Variants in TCERG1 observed in about 807,000 individuals in gnomAD.
TCERG1 encodes the protein TATA box binding protein (TBP)-associated factor, RNA polymerase II, S, 150kD.
TCERG1 carries 37 observed loss-of-function variants against 144.7 expected under a neutral mutation model. That is an observed-to-expected ratio of 0.26 (90% CI 0.20 to 0.34). The LOEUF (loss-of-function observed/expected upper bound fraction) is 0.34, where lower values mean the gene tolerates loss of function less well. Ranked by LOEUF, TCERG1 falls within the 10% of genes least tolerant of loss-of-function variation. The pLI is 1.00. For missense variants in TCERG1, 1,027 were observed against 1,380.7 expected (o/e 0.74, Z 4.06); for synonymous variants, 492 against 458.2 (o/e 1.07, Z -0.94).
chr5:146,459,870 G>A (rs1257463658), intron 4 of TCERG1, among the ~76,000 whole-genome samples: 2 of 152,160 alleles, frequency 1.3e-5, no homozygotes, highest in East Asian at 3.8e-4. Context: ...CATGAATAAA[G>A]GTCAGGAAAA....
intron 16 of TCERG1, among the ~76,000 whole-genome samples, chr5:146,497,721 C>A (rs1767064045): frequency 6.6e-6 from 1 of 152,186 alleles, no homozygotes; most frequent in Non-Finnish European, 1.5e-5. Flanking sequence ...TAATGTGAAT[C>A]TCTGAAAGTG....
At chr5:146,495,653 T>TA (rs1766824891) in intron 16 of TCERG1, among the ~76,000 whole-genome samples, 1 of 152,250 alleles carries the variant, frequency 6.6e-6, no homozygotes, top group African/African-American at 2.4e-5. Context: ...CTGTGAGTGA[T>TA]ACTCTTAACC....
At chr5:146,503,750 G>C in intron 18 of TCERG1, 74 bp from the exon 19 acceptor site, 1 of 1,490,156 alleles carries the variant, frequency 6.7e-7, no homozygotes. Context: ...TTTTTATTTG[G>C]CAAGCTAGTT....
At chr5:146,451,829 C>A (rs925829395) in intron 1 of TCERG1, among the ~76,000 whole-genome samples, 1 of 150,506 alleles carries the variant, frequency 6.6e-6, no homozygotes, top group Non-Finnish European at 1.5e-5. Flanking sequence ...GCTCTCTTGC[C>A]CAGGCTGGAA....
intron 12 of TCERG1, 139 bp downstream of exon 12, chr5:146,480,233 G>C (rs1765227633): frequency 3.9e-6 from 2 of 519,334 alleles, no homozygotes; most frequent in East Asian, 6.5e-5. Flanking sequence ...ATAATAAATA[G>C]CTTTGTTTTT....
At chr5:146,455,851 G>T (rs1762782942) in intron 2 of TCERG1, among the ~76,000 whole-genome samples, 1 of 152,098 alleles carries the variant, frequency 6.6e-6, no homozygotes, top group Non-Finnish European at 1.5e-5. Context: ...AAACATTTAT[G>T]GTATTTTAAC....
At chr5:146,452,117 G>A (rs1026949002) in intron 1 of TCERG1, among the ~76,000 whole-genome samples, 1 of 152,032 alleles carries the variant, frequency 6.6e-6, no homozygotes, top group Non-Finnish European at 1.5e-5. Flanking sequence ...GATTTTTTTG[G>A]TGTGTGTCAG....
chr5:146,448,634 A>C (rs1047858091), intron 1 of TCERG1, among the ~76,000 whole-genome samples: 2 of 152,220 alleles, frequency 1.3e-5, no homozygotes, highest in African/African-American at 4.8e-5. Flanking sequence ...TTGTTATTCA[A>C]GGTTTTAGAA....
At chr5:146,485,972 G>A (rs978178856) in intron 15 of TCERG1, among the ~76,000 whole-genome samples, 4 of 152,178 alleles carry the variant, frequency 2.6e-5, no homozygotes, top group South Asian at 2.1e-4. Flanking sequence ...TGGGATTACA[G>A]GCGTGAGCCA....
At position 146,447,338 on chromosome 5, in the gene TCERG1, CG is replaced by C; in HGVS notation, c.-10del. 1 of 1,611,274 alleles carries C rather than the reference CG, an allele frequency of 6.2e-7. No individual in the cohort carries two copies. The highest frequency in any genetic ancestry group is 1.1e-5 in the South Asian group (1 of 90,726). ...CGTCGGGTCGGCGGGTGGATGAACGCGGCCCTCTGTAATGGCGGAGCGTGGC... is the reference window on the plus strand; with the variant it reads ...CGTCGGGTCGGCGGGTGGATGAACGCGCCCTCTGTAATGGCGGAGCGTGGC... On this transcript the variant is annotated 5_prime_UTR_variant, in exon 1 of 23. Transcript: ENST00000679501.
chr5:146,457,180 C>T lies in TCERG1; in HGVS notation c.286-3C>T, dbSNP rs1762902968. On this transcript the variant is annotated splice_polypyrimidine_tract_variant and splice_region_variant and intron_variant, in intron 2 of 22. Transcript: ENST00000679501. ...GACCATTACTGTTTTTGTGAATTAA[C>T]AGAGACCACCTTTCATGCCTCCTCC... 2.5e-6 allele frequency: 4 copies of T among 1,611,126 alleles called. No individual in the cohort carries two copies. The South Asian group carries it at 3.3e-5, about 13-fold the overall frequency.
intron 19 of TCERG1, among the ~76,000 whole-genome samples, chr5:146,506,427 TTTTGATATAGGTAGA>T (rs1191200492): frequency 6.6e-6 from 1 of 152,210 alleles, no homozygotes; most frequent in Non-Finnish European, 1.5e-5. Context: ...ACAGTTGCTG[TTTTGATATAGGTAGA>T]TAATATGGAA....
intron 9 of TCERG1, among the ~76,000 whole-genome samples, chr5:146,478,118 G>GCTATGT (rs1765022233): frequency 6.6e-6 from 1 of 152,144 alleles, no homozygotes; most frequent in Non-Finnish European, 1.5e-5. Context: ...TAGCTAGGAT[G>GCTATGT]CTATGTCTGT....
chr5:146,465,782 A>G (rs1763725863), intron 5 of TCERG1, among the ~76,000 whole-genome samples: 1 of 152,222 alleles, frequency 6.6e-6, no homozygotes, highest in Admixed American at 6.5e-5. Context: ...CTGTAATCCC[A>G]GCACTTTGGG....
intron 22 of TCERG1, among the ~76,000 whole-genome samples, chr5:146,509,532 C>T (rs796339475): frequency 2.7e-5 from 4 of 150,766 alleles, no homozygotes; most frequent in African/African-American, 9.7e-5. Flanking sequence ...TTAGGAATAC[C>T]CTCAACTATA....
At chr5:146,468,795 C>T (rs1459393269) in intron 6 of TCERG1, among the ~76,000 whole-genome samples, 1 of 151,808 alleles carries the variant, frequency 6.6e-6, no homozygotes, top group East Asian at 1.9e-4. Flanking sequence ...TGTGTGAATA[C>T]ATGTGTATAG....
intron 15 of TCERG1, among the ~76,000 whole-genome samples, chr5:146,491,322 C>T (rs376794825): frequency 4.9e-4 from 74 of 152,046 alleles, no homozygotes; most frequent in African/African-American, 1.7e-3. Context: ...GGCCCTCGTG[C>T]TTTGGGGCTG....
At chr5:146,490,975 C>T (rs1325045407) in intron 15 of TCERG1, among the ~76,000 whole-genome samples, 3 of 151,866 alleles carry the variant, frequency 2.0e-5, no homozygotes, top group African/African-American at 7.3e-5. Context: ...ATTATCTTAG[C>T]TCTGTGAGGT....
chr5:146,447,605 C>T (rs1761974848), intron 1 of TCERG1, among the ~76,000 whole-genome samples, 197 bp downstream of exon 1: 2 of 152,216 alleles, frequency 1.3e-5, no homozygotes, highest in South Asian at 4.1e-4. Flanking sequence ...GCCAGGGCCT[C>T]CTGCGCGTTC....
Sources: allele counts gnomAD v4.1 joint callset (sites outside exome capture counted in the v4.1 genomes callset), GRCh38; gene constraint gnomAD v4.1.1; transcripts MANE v1.5; gene names NCBI Gene and HGNC (gene_info 2026-07-23, HGNC 2026-07-21).